PRPF31: variants seen among roughly 807,000 people sequenced by gnomAD.
PRPF31 encodes the protein U4/U6 small nuclear ribonucleoprotein Prp31.
PRPF31 carries 12 observed loss-of-function variants against 60.4 expected under a neutral mutation model. The observed-to-expected ratio is 0.20, with a 90% CI of 0.13 to 0.32. The LOEUF (loss-of-function observed/expected upper bound fraction) is 0.32, where lower values mean the gene tolerates loss of function less well. PRPF31 is among the 10% of genes least tolerant of loss of function. PRPF31 has a pLI of 1.00. For synonymous variants in PRPF31, 287 were observed against 287.9 expected (o/e 1.00, Z 0.03); for missense variants, 431 against 687.1 (o/e 0.63, Z 4.17).
Position 54,118,338 on chromosome 19 carries a change from A to G in PRPF31, c.60A>G (p.Gly20=). ...AAGAGGCAGCAGAAGAGGAGGAAGG[A>G]GGAAGCTATGGGGAGGAAGAAGAGG... The part of the protein sequence containing the change: ...DLEEAAEEEE[G]GSYGEEEEEP... Residue 20 remains glycine (G), a synonymous_variant, in exon 2 of 14, where the codon GGA becomes GGG. Coordinates refer to ENST00000321030, the MANE Select transcript of PRPF31 (RefSeq NM_015629.4). 6.2e-7 allele frequency: 1 copy of G among 1,613,942 alleles called. No individual in the cohort carries two copies. Among genetic ancestry groups the G allele is most frequent in the East Asian group, 2.2e-5 (1 of 44,880 alleles).
intron 7 of PRPF31, 115 bp from the exon 8 acceptor site, chr19:54,124,384 C>T: frequency 2.0e-6 from 2 of 1,022,058 alleles, no homozygotes; most frequent in Non-Finnish European, 1.5e-6. Flanking sequence ...AGGAATCCAA[C>T]CAGAACTTCA....
Position 54,126,537 on chromosome 19 carries a change from C to T in PRPF31, c.865C>T (p.Arg289Trp), listed in dbSNP as rs780317796. The T allele has an allele frequency of 5.6e-6, 9 of 1,613,150 alleles. No homozygotes were observed. Among genetic ancestry groups the T allele is most frequent in the Middle Eastern group, 1.7e-4 (1 of 6,056 alleles). ...IVQSLPPDLR[R>W]KAARLVAAKC... Reference sequence around the variant, plus strand: ...TTTTCCGTTGCTCCAGGATCTGCGGCGGAAAGCGGCCCGGCTGGTGGCCGC... The same window carrying T: ...TTTTCCGTTGCTCCAGGATCTGCGGTGGAAAGCGGCCCGGCTGGTGGCCGC... Residue 289 changes from arginine to tryptophan, a missense_variant, in exon 9 of 14, where the codon CGG (arginine) becomes TGG (tryptophan). Arg to Trp is a moderately radical substitution (Grantham distance 101). Around this residue, in one of 4 missense-constraint regions of PRPF31, gnomAD observed 314 missense variants for 475.3 expected, o/e 0.66. Coordinates refer to ENST00000321030, the MANE Select transcript of PRPF31 (RefSeq NM_015629.4).
chr19:54,125,366 C>T (rs1005249053), intron 8 of PRPF31: 2 of 153,920 alleles, frequency 1.3e-5, no homozygotes, highest in African/African-American at 2.4e-5. Context: ...TATAGTGGCA[C>T]ACACTTATAA....
At chr19:54,131,199 CCCA>C in intron 13 of PRPF31, 105 bp from the exon 14 acceptor site, 1 of 1,479,592 alleles carries the variant, frequency 6.8e-7, no homozygotes, top group African/African-American at 1.4e-5. Flanking sequence ...CTGTCTCATG[CCCA>C]CCAAGGCCTG....
At chr19:54,117,456 C>T (rs2073676014) in intron 1 of PRPF31, among the ~76,000 whole-genome samples, 1 of 152,154 alleles carries the variant, frequency 6.6e-6, no homozygotes, top group Admixed American at 6.5e-5. Context: ...GGAGCATGGG[C>T]TGGTGTCAAG....
Position 54,123,872 on chromosome 19 carries a change from C to A in PRPF31, c.651C>A (p.Pro217=). 6.2e-7 allele frequency: 1 copy of A among 1,614,074 alleles called. No homozygotes were observed. Among genetic ancestry groups the A allele is most frequent in the South Asian group, 1.1e-5 (1 of 91,092 alleles). Residue 217 remains proline (P), a synonymous_variant, in exon 7 of 14, where the codon CCC becomes CCA. Transcript: ENST00000321030. ...YVESRMSFIA[P]NLSIIIGAST... Reference sequence around the variant, plus strand: ...AGTCCCGGATGTCCTTCATCGCACCCAACCTGTCCATCATTATCGGGGCAT... The same window carrying A: ...AGTCCCGGATGTCCTTCATCGCACCAAACCTGTCCATCATTATCGGGGCAT...
At chr19:54,123,197 C>G (rs752506786) in intron 5 of PRPF31, 6 of 588,998 alleles carry the variant, frequency 1.0e-5, no homozygotes, top group Non-Finnish European at 1.8e-5. Context: ...TGTGAGGCCA[C>G]AGTCTTTCCA....
In PRPF31 at chr19:54,129,267, C is replaced by A; in HGVS notation, c.1276-5C>A. 1 of 1,610,768 alleles carries A rather than the reference C, an allele frequency of 6.2e-7. No individual in the cohort carries two copies. The highest frequency in any genetic ancestry group is 8.5e-7 in the Non-Finnish European group (1 of 1,179,186). ...CAGATCGCAGCCTCCCTGTCCTCCC[C>A]ACAGCGGACCCTGCAGAAGCAGAGC... On this transcript the variant is annotated splice_polypyrimidine_tract_variant and splice_region_variant and intron_variant, in intron 12 of 13. Coordinates refer to ENST00000321030, the MANE Select transcript of PRPF31 (RefSeq NM_015629.4).
chr19:54,125,115 C>T (rs587676000), intron 8 of PRPF31: 1 of 239,818 alleles, frequency 4.2e-6, no homozygotes. Flanking sequence ...CAGGAGAGGT[C>T]ACCAACCTCG....
intron 5 of PRPF31, 155 bp from the exon 6 acceptor site, chr19:54,123,299 A>C: frequency 1.4e-6 from 1 of 707,366 alleles, no homozygotes; most frequent in Non-Finnish European, 2.6e-6. Flanking sequence ...AATGGTGTGG[A>C]TGCTTCAGGC....
At position 54,129,131 on chromosome 19, in the gene PRPF31, G is replaced by A; in HGVS notation, c.1221G>A (p.Val407=). Residue 407 remains valine, a synonymous_variant, in exon 12 of 14, where the codon GTG becomes GTA. Transcript: ENST00000321030. ...GHLGKSGSGR[V]RQTQVNEATK... ...TGGGCAAGTCGGGCAGTGGGCGTGT[G>A]CGGCAGACACAGGTAAACGAGGCCA... The A allele has an allele frequency of 1.9e-6, 3 of 1,582,440 alleles. No homozygotes were observed. The highest frequency in any genetic ancestry group is 2.6e-6 in the Non-Finnish European group (3 of 1,165,082).
chr19:54,129,047 T>C lies in PRPF31; in HGVS notation c.1147-10T>C, dbSNP rs992714633. On this transcript the variant is annotated splice_polypyrimidine_tract_variant and intron_variant, in intron 11 of 13. Transcript: ENST00000321030. ...TCGCTGAACTGCAGGGCGCCTCCTCTCCCCCCTAGATCGAGGAGGACGCCT... is the reference window on the plus strand; with the variant it reads ...TCGCTGAACTGCAGGGCGCCTCCTCCCCCCCCTAGATCGAGGAGGACGCCT... The C allele has an allele frequency of 6.4e-7, 1 of 1,565,458 alleles. No individual in the cohort carries two copies.
intron 4 of PRPF31, 200 bp downstream of exon 4, chr19:54,122,143 G>A: frequency 1.5e-6 from 1 of 682,726 alleles, no homozygotes; most frequent in Non-Finnish European, 2.6e-6. Context: ...GGATGGTGTG[G>A]CCGCTTGGCT....
intron 13 of PRPF31, 126 bp downstream of exon 13, chr19:54,129,496 G>A: frequency 3.4e-6 from 4 of 1,189,044 alleles, no homozygotes; most frequent in Non-Finnish European, 4.8e-6. Context: ...GTGGTGACGA[G>A]GTATGCAGAG....
At chr19:54,123,251 G>A (rs1180506131) in intron 5 of PRPF31, 4 of 629,914 alleles carry the variant, frequency 6.4e-6, no homozygotes, top group Admixed American at 5.1e-5. Context: ...AGCGAAAGCA[G>A]GGCAGATGGT....
intron 13 of PRPF31, 74 bp from the exon 14 acceptor site, chr19:54,131,233 G>A: frequency 6.3e-7 from 1 of 1,584,788 alleles, no homozygotes; most frequent in Non-Finnish European, 8.7e-7. Context: ...GGAAGGGCCT[G>A]GGGGGCTCTG....
rs776673231 is a variant in PRPF31 at position 54,115,783 on chromosome 19, G to T, written c.-23G>T. The T allele has an allele frequency of 6.5e-5, 16 of 245,028 alleles. No homozygotes were observed. The highest frequency in any genetic ancestry group is 4.2e-4 in the Admixed American group (8 of 19,198). The allele number at this position is 245,028 out of a possible 1,614,324, so 15.2% of individuals were successfully genotyped here. A position where few individuals can be genotyped will look rare whatever the true frequency, so the allele number is the denominator to read the frequency against. On this transcript the variant is annotated 5_prime_UTR_variant, in exon 1 of 14. Coordinates refer to ENST00000321030, the MANE Select transcript of PRPF31 (RefSeq NM_015629.4). ...AGCGACTAACGCTAGAAACAGTGGT[G>T]CGCGGAGAGGAGAGGTGAGTGTGAT... is the stretch of plus-strand genomic sequence containing the variant.
chr19:54,128,858 G>A (rs768149091), intron 11 of PRPF31, among the ~76,000 whole-genome samples, 199 bp from the exon 12 acceptor site: 61 of 152,302 alleles, frequency 4.0e-4, no homozygotes, highest in African/African-American at 5.1e-4. Flanking sequence ...TGCTGGGACC[G>A]GGCCCCTCTC....
intron 4 of PRPF31, 187 bp downstream of exon 4, chr19:54,122,130 C>T (rs587638479): frequency 6.2e-5 from 44 of 714,938 alleles, no homozygotes; most frequent in African/African-American, 4.9e-4. Context: ...GAGGAGCACT[C>T]GGGGATGGTG....
Sources: allele counts gnomAD v4.1 joint callset (sites outside exome capture counted in the v4.1 genomes callset), GRCh38; gene constraint gnomAD v4.1.1; regional missense constraint gnomAD v4.1.1; transcripts MANE v1.5; gene names NCBI Gene and HGNC (gene_info 2026-07-23, HGNC 2026-07-21).